FRAS1: variants seen among roughly 807,000 people sequenced by gnomAD.
FRAS1 encodes the protein Fraser extracellular matrix complex subunit 1.
In FRAS1, 290 loss-of-function variants were observed where a neutral mutation model predicts 435.2. The observed-to-expected ratio is 0.67, with a 90% CI of 0.61 to 0.73. The LOEUF is 0.73. FRAS1 is among the 30% of genes least tolerant of loss of function. The pLI is 0.00. For synonymous variants in FRAS1, 1,800 were observed against 1,851.0 expected, an observed-to-expected ratio of 0.97 and a Z score of 0.71; for missense variants, 4,860 against 5,001.5, an observed-to-expected ratio of 0.97 and a Z score of 0.85.
Position 78,445,632 on chromosome 4 carries a change from C to T in FRAS1, c.5776C>T (p.Pro1926Ser), listed in dbSNP as rs1240186969. 6.2e-7 allele frequency: 1 copy of T among 1,613,780 alleles called. No individual in the cohort carries two copies. The highest frequency in any genetic ancestry group is 8.5e-7 in the Non-Finnish European group (1 of 1,179,816). Residue 1926 changes from proline to serine, a missense_variant, in exon 42 of 74, where the codon CCA becomes TCA. Pro to Ser is a moderately conservative substitution (Grantham distance 74). Transcript: ENST00000512123. ...YFQSVHESIE[P>S]THDIFSFYVS... ...TCAGAGTGTTCATGAAAGCATTGAG[C>T]CAACCCATGATATTTTTAGTTTTTA...
chr4:78,113,725 T>G (rs187735799), intron 2 of FRAS1, among the ~76,000 whole-genome samples: 99 of 152,328 alleles, frequency 6.5e-4, no homozygotes, highest in African/African-American at 2.3e-3. Context: ...ATTCTGGATA[T>G]TAGCCCTTTG....
chr4:78,303,522 C>G (rs1560639250), intron 14 of FRAS1, among the ~76,000 whole-genome samples: 1 of 152,186 alleles, frequency 6.6e-6, no homozygotes. Context: ...TTTGTATCCT[C>G]TTTGACTTCC....
chr4:78,367,718 A>C (rs146547942), intron 22 of FRAS1, among the ~76,000 whole-genome samples: 1 of 152,274 alleles, frequency 6.6e-6, no homozygotes, highest in African/African-American at 2.4e-5. Context: ...TAGAACATAA[A>C]TGCGGGACTT....
intron 6 of FRAS1, among the ~76,000 whole-genome samples, chr4:78,262,863 A>T (rs980689641): frequency 6.6e-6 from 1 of 151,574 alleles, no homozygotes; most frequent in Non-Finnish European, 1.5e-5. Flanking sequence ...TTCCATAAAG[A>T]ACCAGATAAC....
At chr4:78,138,102 A>T (rs183099234) in intron 2 of FRAS1, among the ~76,000 whole-genome samples, 4 of 152,304 alleles carry the variant, frequency 2.6e-5, no homozygotes, top group African/African-American at 9.6e-5. Context: ...AGGTGGTTTC[A>T]GGCCGAAGGG....
At chr4:78,298,295 G>T (rs1343283546) in intron 14 of FRAS1, among the ~76,000 whole-genome samples, 1 of 68,270 alleles carries the variant, frequency 1.5e-5, no homozygotes, top group African/African-American at 6.2e-5. Flanking sequence ...ATATTATAAG[G>T]TGTATATATA....
intron 20 of FRAS1, among the ~76,000 whole-genome samples, chr4:78,355,271 T>C (rs1316412989): frequency 1.2e-5 from 1 of 85,684 alleles, no homozygotes; most frequent in Non-Finnish European, 3.3e-5. Flanking sequence ...AGGAGGTACA[T>C]ATACAAACAA....
Position 78,448,297 on chromosome 4 carries a change from A to G in FRAS1, c.6255A>G (p.Gln2085=). 3 of 1,610,338 alleles carry G rather than the reference A, an allele frequency of 1.9e-6. No individual in the cohort carries two copies. The highest frequency in any genetic ancestry group is 2.5e-6 in the Non-Finnish European group (3 of 1,178,596). Residue 2085 remains glutamine (Q), a synonymous_variant, in exon 44 of 74, where the codon CAA becomes CAG. Transcript: ENST00000512123. ...ASDTPHLAIN[Q]GLQLSAGSVA... ...ACACACCTCACTTGGCTATAAACCA[A>G]GGCCTACAGCTCTCAGCAGGTACCA...
chr4:78,128,548 C>G (rs1440626626), intron 2 of FRAS1, among the ~76,000 whole-genome samples: 2 of 152,118 alleles, frequency 1.3e-5, no homozygotes, highest in Admixed American at 1.3e-4. Flanking sequence ...GCATAAATGT[C>G]TTCTTTTTGA....
intron 17 of FRAS1, among the ~76,000 whole-genome samples, chr4:78,318,052 T>G (rs1383388805): frequency 2.0e-5 from 3 of 152,216 alleles, no homozygotes; most frequent in Non-Finnish European, 4.4e-5. Context: ...GTATATTTAT[T>G]TATACATCAG....
At chr4:78,452,019 T>A in intron 46 of FRAS1, 128 bp downstream of exon 46, 9 of 1,247,080 alleles carry the variant, frequency 7.2e-6, no homozygotes, top group Non-Finnish European at 1.0e-5. Flanking sequence ...CTGAAAATCA[T>A]ACCCCCTTTA....
intron 2 of FRAS1, among the ~76,000 whole-genome samples, chr4:78,177,743 C>T (rs1162561339): frequency 6.6e-6 from 1 of 152,154 alleles, no homozygotes; most frequent in East Asian, 1.9e-4. Context: ...ATCTCATACA[C>T]CTTCTTCCTT....
intron 2 of FRAS1, among the ~76,000 whole-genome samples, chr4:78,138,175 G>A (rs1720005093): frequency 6.6e-6 from 1 of 152,182 alleles, no homozygotes; most frequent in African/African-American, 2.4e-5. Flanking sequence ...GGAGGCTCTG[G>A]TGCCAAATTG....
intron 23 of FRAS1, among the ~76,000 whole-genome samples, chr4:78,372,155 T>G (rs1330159806): frequency 1.3e-5 from 2 of 152,246 alleles, no homozygotes; most frequent in East Asian, 3.8e-4. Context: ...TAGCAACCTC[T>G]TTCTTTCTGG....
intron 2 of FRAS1, among the ~76,000 whole-genome samples, chr4:78,210,623 G>A (rs974893042): frequency 6.6e-6 from 1 of 152,222 alleles, no homozygotes; most frequent in East Asian, 1.9e-4. Flanking sequence ...CATGCCCTGA[G>A]AAGTTGGGGC....
chr4:78,067,605 T>C (rs4859909), intron 2 of FRAS1, among the ~76,000 whole-genome samples: 37,231 of 151,344 alleles, frequency 0.25, 4,968 homozygotes, highest in East Asian at 0.35. Context: ...CTCCTCATTC[T>C]TCCAGGTGAC....
At chr4:78,408,340 T>G (rs1343619320) in intron 31 of FRAS1, among the ~76,000 whole-genome samples, 3 of 152,180 alleles carry the variant, frequency 2.0e-5, no homozygotes, top group African/African-American at 7.2e-5. Flanking sequence ...CAAAATATAA[T>G]TCATAGCATT....
chr4:78,418,247 A>G (rs760687025), intron 32 of FRAS1, among the ~76,000 whole-genome samples: 16 of 152,232 alleles, frequency 1.1e-4, no homozygotes, highest in Non-Finnish European at 2.1e-4. Flanking sequence ...TGGCTATTGT[A>G]TGTGCTTTAA....
intron 60 of FRAS1, among the ~76,000 whole-genome samples, chr4:78,498,343 C>T (rs111790966): frequency 0.16 from 24,113 of 152,042 alleles, 1,983 homozygotes; most frequent in Middle Eastern, 0.23. Context: ...CCTGTCTCTA[C>T]TAAAAATACA....
Sources: allele counts gnomAD v4.1 joint callset (sites outside exome capture counted in the v4.1 genomes callset), GRCh38; gene constraint gnomAD v4.1.1; transcripts MANE v1.5; gene names NCBI Gene and HGNC (gene_info 2026-07-23, HGNC 2026-07-21).